RPH3AL: variants seen among roughly 807,000 people sequenced by gnomAD.
The protein encoded by RPH3AL is rab effector Noc2.
In RPH3AL, 38 loss-of-function variants were observed where a neutral mutation model predicts 43.1. The ratio of observed to expected loss-of-function variants is 0.88; its 90% CI spans 0.68 to 1.15. The LOEUF is 1.15. RPH3AL is among the 50% of genes most tolerant of loss of function. The probability of loss-of-function intolerance (pLI) is 0.00; values close to 1 mark genes in which losing one functional copy is unlikely to be tolerated. For synonymous variants in RPH3AL, 189 were observed against 176.3 expected, an observed-to-expected ratio of 1.07 and a Z score of -0.57; for missense variants, 462 against 423.2, an observed-to-expected ratio of 1.09 and a Z score of -0.81.
chr17:288,928 C>T (rs905295175), intron 5 of RPH3AL, among the ~76,000 whole-genome samples: 4 of 139,650 alleles, frequency 2.9e-5, no homozygotes, highest in Admixed American at 1.4e-4. Context: ...CCCTCTCTCC[C>T]GGCCGTCAGA....
chr17:352,254 C>A (rs1400668871), intron 1 of RPH3AL, among the ~76,000 whole-genome samples: 1 of 152,198 alleles, frequency 6.6e-6, no homozygotes, highest in Admixed American at 6.5e-5. Flanking sequence ...TCCAACAGCA[C>A]GCTCTGGTCT....
chr17:347,033 A>C (rs905982521), intron 1 of RPH3AL, among the ~76,000 whole-genome samples: 4 of 134,582 alleles, frequency 3.0e-5, no homozygotes, highest in African/African-American at 7.6e-5. Context: ...CCGAGGCGGG[A>C]GGATCACGAG....
At chr17:334,993 G>T (rs1468558390) in intron 1 of RPH3AL, among the ~76,000 whole-genome samples, 1 of 152,188 alleles carries the variant, frequency 6.6e-6, no homozygotes, top group Non-Finnish European at 1.5e-5. Context: ...CTTGTTTCAG[G>T]GACACGTTCA....
chr17:269,787 C>T (rs902084294), intron 6 of RPH3AL, among the ~76,000 whole-genome samples: 1 of 152,334 alleles, frequency 6.6e-6, no homozygotes, highest in African/African-American at 2.4e-5. Flanking sequence ...GACTGGAGCA[C>T]TGTGCTGAAA....
At chr17:272,932 ATCAGGGAGAGACCCCAGCAAGGGCTACG>A (rs1567604175) in intron 6 of RPH3AL, among the ~76,000 whole-genome samples, 4 of 128,046 alleles carry the variant, frequency 3.1e-5, no homozygotes, top group African/African-American at 1.0e-4. Flanking sequence ...CAAGGGCGAC[ATCAGGGAGAGACCCCAGCAAGGGCTACG>A]TCAGGGTGAG....
chr17:269,666 TG>T lies in RPH3AL; in HGVS notation c.438+12101del, dbSNP rs529143280. Among the ~76,000 whole-genome samples, 4 of 152,252 alleles carry T rather than the reference TG, an allele frequency of 2.6e-5. No individual in the cohort carries two copies. In the East Asian group the frequency reaches 7.7e-4, roughly 29 times the overall value. On this transcript the variant is annotated intron_variant, in intron 6 of 9. Coordinates refer to ENST00000331302, the MANE Select transcript of RPH3AL (RefSeq NM_006987.4). ...TGTCACAGAGGACAATGGGCTCCCG[TG>T]GGGATGAAGCGAGATGATCATGGCC...
At chr17:269,025 C>A (rs1273808330) in intron 6 of RPH3AL, among the ~76,000 whole-genome samples, 1 of 152,118 alleles carries the variant, frequency 6.6e-6, no homozygotes, top group Non-Finnish European at 1.5e-5. Context: ...ACTACAGGCG[C>A]CCGCCACCAC....
chr17:235,873 C>T (rs112603913), intron 7 of RPH3AL, among the ~76,000 whole-genome samples: 5 of 97,788 alleles, frequency 5.1e-5, no homozygotes, highest in African/African-American at 1.2e-4. Context: ...TGGGGTCGGC[C>T]GAGGCTCTGC....
At chr17:314,477 C>G (rs878928364) in intron 5 of RPH3AL, among the ~76,000 whole-genome samples, 1 of 141,466 alleles carries the variant, frequency 7.1e-6, no homozygotes, top group Non-Finnish European at 1.6e-5. Flanking sequence ...GCCCCCACCT[C>G]CATTGACCTG....
At chr17:273,012 C>CTACGTCAGGGTGAGACCCCAGCGAGGGT (rs1567604581) in intron 6 of RPH3AL, among the ~76,000 whole-genome samples, 6 of 62,900 alleles carry the variant, frequency 9.5e-5, no homozygotes, top group African/African-American at 3.8e-4. Context: ...CCAGCGAGGG[C>CTACGTCAGGGTGAGACCCCAGCGAGGGT]GACATCAGGA....
At chr17:302,290 T>G in intron 5 of RPH3AL, among the ~76,000 whole-genome samples, 1 of 152,240 alleles carries the variant, frequency 6.6e-6, no homozygotes, top group African/African-American at 2.4e-5. Flanking sequence ...GATTTTCATC[T>G]GAGGTCACGC....
intron 5 of RPH3AL, among the ~76,000 whole-genome samples, chr17:314,429 TCC>T (rs1347915086): frequency 7.0e-5 from 9 of 128,110 alleles, no homozygotes; most frequent in South Asian, 2.4e-4. Flanking sequence ...TGACATGTAG[TCC>T]CTCTGCCCCC....
intron 6 of RPH3AL, among the ~76,000 whole-genome samples, chr17:256,076 A>C (rs375972449): frequency 9.7e-5 from 1 of 10,330 alleles, no homozygotes; most frequent in African/African-American, 3.1e-4. Context: ...GTCCTTTTCC[A>C]TCCCTAGGAA....
chr17:306,875 C>T (rs989426959), intron 5 of RPH3AL, among the ~76,000 whole-genome samples: 1 of 152,010 alleles, frequency 6.6e-6, no homozygotes, highest in African/African-American at 2.4e-5. Flanking sequence ...CTCTCCTTCT[C>T]ATGCCCCAGC....
Position 245,421 on chromosome 17 carries a change from ATGTG to A in RPH3AL, c.613+1686_613+1689del, listed in dbSNP as rs927954514. On this transcript the variant is annotated intron_variant, in intron 7 of 9. Coordinates refer to ENST00000331302, the MANE Select transcript of RPH3AL (RefSeq NM_006987.4). The surrounding 1 kb of genome is among the most constrained non-coding windows in gnomAD (Gnocchi z 5.9). Reference sequence around the variant, plus strand: ...TATCAGTGTGTGTGTGTGCATGGTGATGTGTGTGTAGGTGTGAGCGTGTGTCAAT... The same window carrying A: ...TATCAGTGTGTGTGTGTGCATGGTGATGTGTAGGTGTGAGCGTGTGTCAAT... Among the ~76,000 whole-genome samples the A allele has an allele frequency of 7.3e-6, 1 of 136,408 alleles. No homozygotes were observed. Among genetic ancestry groups the A allele is most frequent in the African/African-American group, 2.7e-5 (1 of 36,538 alleles). 89.5% of individuals were successfully genotyped at this position (136,408 alleles called of 152,430 possible). A position where few individuals can be genotyped will look rare whatever the true frequency, so the allele number is the denominator to read the frequency against.
At chr17:236,687 C>T (rs547247510) in intron 7 of RPH3AL, among the ~76,000 whole-genome samples, 8 of 152,246 alleles carry the variant, frequency 5.3e-5, no homozygotes, top group Admixed American at 3.3e-4. Flanking sequence ...CTTCGTCTCC[C>T]GCCCTGATTC....
chr17:253,194 A>G lies in RPH3AL; in HGVS notation c.439-5909T>C, dbSNP rs376608741. ...GGGGCGTGGGGCGAACAATGGAGCT[A>G]CCCTGCCATCCCTAGGACAGGCCTT... On this transcript the variant is annotated intron_variant, in intron 6 of 9. Coordinates refer to ENST00000331302, the MANE Select transcript of RPH3AL (RefSeq NM_006987.4). Among the ~76,000 whole-genome samples, 4 of 152,208 alleles carry G rather than the reference A, an allele frequency of 2.6e-5. No homozygotes were observed. In the East Asian group the frequency reaches 5.8e-4, roughly 22 times the overall value.
At chr17:221,580 T>A (rs374599513) in intron 7 of RPH3AL, among the ~76,000 whole-genome samples, 155 of 63,384 alleles carry the variant, frequency 2.4e-3, no homozygotes, top group Middle Eastern at 0.023. Context: ...CCCAAGCACA[T>A]CAGCTCTGAG....
At chr17:304,535 C>T (rs913127272) in intron 5 of RPH3AL, among the ~76,000 whole-genome samples, 6 of 152,194 alleles carry the variant, frequency 3.9e-5, no homozygotes, top group Admixed American at 2.0e-4. Context: ...AGGCCACCCC[C>T]ACCAACAACA....
Sources: allele counts gnomAD v4.1 joint callset (sites outside exome capture counted in the v4.1 genomes callset), GRCh38; gene constraint gnomAD v4.1.1; non-coding constraint Gnocchi (gnomAD v3.1); transcripts MANE v1.5; gene names NCBI Gene and HGNC (gene_info 2026-07-23, HGNC 2026-07-21).